Variants in NLRP3 observed in about 807,000 individuals in gnomAD.
NLRP3 encodes NLR family pyrin domain containing 3, also known as NACHT, LRR and PYD domains-containing protein 3.
NLRP3 carries 48 observed loss-of-function variants against 91.3 expected under a neutral mutation model. The ratio of observed to expected loss-of-function variants is 0.53; its 90% CI spans 0.42 to 0.67. The LOEUF (loss-of-function observed/expected upper bound fraction) is 0.67, where lower values mean the gene tolerates loss of function less well. Ranked by LOEUF, NLRP3 falls within the 30% of genes least tolerant of loss-of-function variation. The pLI is 0.00. For missense variants in NLRP3, 982 were observed against 1,276.9 expected, an observed-to-expected ratio of 0.77 and a Z score of 3.52; for synonymous variants, 561 against 507.9, an observed-to-expected ratio of 1.10 and a Z score of -1.41.
At chr1:247,416,369 C>A (rs986001008) in intron 1 of NLRP3, among the ~76,000 whole-genome samples, 176 bp downstream of exon 1, 1 of 152,128 alleles carries the variant, frequency 6.6e-6, no homozygotes, top group African/African-American at 2.4e-5. Flanking sequence ...TTGGGCTCTA[C>A]GTGTGCAAGT....
Position 247,448,780 on chromosome 1 carries a change from TG to T in NLRP3, c.*277del. The T allele has an allele frequency of 2.0e-6, 1 of 491,798 alleles. No homozygotes were observed. Among genetic ancestry groups the T allele is most frequent in the Non-Finnish European group, 3.7e-6 (1 of 269,648 alleles). 30.5% of individuals were successfully genotyped at this position (491,798 alleles called of 1,614,324 possible). On this transcript the variant is annotated 3_prime_UTR_variant, in exon 10 of 10. Coordinates refer to ENST00000336119, the MANE Select transcript of NLRP3 (RefSeq NM_001243133.2). ...GAGGATGTTCCTCTTGGTGACCTCATGTAATTAGCTCATTCAATAAAGCACT... is the reference window on the plus strand; with the variant it reads ...GAGGATGTTCCTCTTGGTGACCTCATTAATTAGCTCATTCAATAAAGCACT...
chr1:247,424,890 C>T lies in NLRP3; in HGVS notation c.1441C>T (p.Leu481=), dbSNP rs868633805. ...AGATGGAATCTGGAACCAGAAAATC[C>T]TGTTTGAGGAGTCCGACCTCAGGAA... The part of the protein sequence containing the change: ...AADGIWNQKI[L]FEESDLRNHG... The change falls in exon 4 of 10, where the codon CTG becomes TTG. Residue 481 remains leucine, a synonymous_variant. Coordinates refer to ENST00000336119, the MANE Select transcript of NLRP3 (RefSeq NM_001243133.2). The surrounding 1 kb of genome is among the most constrained non-coding windows in gnomAD (Gnocchi z 8.1). The T allele has an allele frequency of 6.2e-6, 10 of 1,610,444 alleles. No individual in the cohort carries two copies. Among genetic ancestry groups the T allele is most frequent in the African/African-American group, 1.3e-5 (1 of 75,056 alleles).
At chr1:247,422,131 C>A (rs1400754774) in intron 2 of NLRP3, among the ~76,000 whole-genome samples, 1 of 135,412 alleles carries the variant, frequency 7.4e-6, no homozygotes, top group Non-Finnish European at 1.7e-5. Context: ...GTAATCCCAG[C>A]ACTTCAGGAG....
chr1:247,422,414 A>G (rs1662531301), intron 2 of NLRP3, among the ~76,000 whole-genome samples: 1 of 151,756 alleles, frequency 6.6e-6, no homozygotes, highest in South Asian at 2.1e-4. Context: ...TTACTTGTAG[A>G]TTCCTGCCCA....
intron 9 of NLRP3, among the ~76,000 whole-genome samples, chr1:247,448,133 G>T (rs1387845503): frequency 6.6e-6 from 1 of 151,896 alleles, no homozygotes; most frequent in African/African-American, 2.4e-5. Flanking sequence ...GAGGCTCCCA[G>T]TGACGAAGGA....
intron 3 of NLRP3, 97 bp from the exon 4 acceptor site, chr1:247,423,750 C>G: frequency 1.8e-6 from 2 of 1,088,876 alleles, no homozygotes; most frequent in Non-Finnish European, 1.4e-6. Flanking sequence ...TTTCTCCATT[C>G]CGGTTACCAC....
intron 1 of NLRP3, 41 bp downstream of exon 1, chr1:247,416,234 G>A (rs1225120087): frequency 2.0e-5 from 3 of 152,486 alleles, no homozygotes; most frequent in African/African-American, 7.2e-5. Context: ...GACAGGACCG[G>A]GAGAGCAGTG....
chr1:247,421,400 C>T (rs547513680), intron 2 of NLRP3, among the ~76,000 whole-genome samples: 57 of 152,132 alleles, frequency 3.7e-4, no homozygotes, highest in Admixed American at 7.9e-4. Context: ...GCAGGAGGAT[C>T]GCTTGAGCCC....
intron 7 of NLRP3, among the ~76,000 whole-genome samples, chr1:247,436,906 G>A (rs1402688111): frequency 6.6e-6 from 1 of 152,166 alleles, no homozygotes; most frequent in Non-Finnish European, 1.5e-5. Context: ...TTCTTACATG[G>A]ATTTTCTCAG....
chr1:247,423,174 A>G (rs192201564), intron 2 of NLRP3, 56 bp from the exon 3 acceptor site: 11 of 1,612,052 alleles, frequency 6.8e-6, no homozygotes, highest in African/African-American at 2.7e-5. Flanking sequence ...CCAGGTTTCA[A>G]TTGCATCCTC....
intron 2 of NLRP3, among the ~76,000 whole-genome samples, chr1:247,422,762 A>C (rs2103100224): frequency 6.6e-6 from 1 of 152,354 alleles, no homozygotes; most frequent in East Asian, 1.9e-4. Context: ...AGAACCAGAC[A>C]TCTAGACTTG....
At chr1:247,432,440 T>C (rs1663406139) in intron 5 of NLRP3, among the ~76,000 whole-genome samples, 2 of 152,246 alleles carry the variant, frequency 1.3e-5, no homozygotes, top group South Asian at 2.1e-4. Flanking sequence ...TTCTTTTCTA[T>C]GGCTGAGCAG....
At chr1:247,446,352 T>C (rs564140948) in intron 9 of NLRP3, among the ~76,000 whole-genome samples, 1 of 152,352 alleles carries the variant, frequency 6.6e-6, no homozygotes, top group East Asian at 1.9e-4. Context: ...ACTCGCATCA[T>C]ATCACTCTTG....
chr1:247,416,445 C>T (rs376841693), intron 1 of NLRP3, among the ~76,000 whole-genome samples: 1 of 152,174 alleles, frequency 6.6e-6, no homozygotes, highest in Non-Finnish European at 1.5e-5. Context: ...TTTACACCCA[C>T]GACTTCAGCA....
At chr1:247,442,857 G>T (rs1664322729) in intron 7 of NLRP3, among the ~76,000 whole-genome samples, 1 of 152,188 alleles carries the variant, frequency 6.6e-6, no homozygotes, top group African/African-American at 2.4e-5. Context: ...GATTGTCTGA[G>T]CCCAGGAGTT....
At chr1:247,448,288 T>TAC in intron 9 of NLRP3, 117 bp from the exon 10 acceptor site, 1 of 525,468 alleles carries the variant, frequency 1.9e-6, no homozygotes, top group African/African-American at 2.0e-5. Context: ...TTTTTTTTTT[T>TAC]TTACATTTTA....
At position 247,423,837 on chromosome 1, in the gene NLRP3, T is replaced by G. The variant is rs746795472; in HGVS notation, c.398-10T>G. ...TATACTTTCCCCCTAACTTCCTGTC[T>G]TTGCCGTAGATTACCGTAAGAAGTA... On this transcript the variant is annotated splice_polypyrimidine_tract_variant and intron_variant, in intron 3 of 9. Transcript: ENST00000336119. 6.2e-7 allele frequency: 1 copy of G among 1,613,098 alleles called. No homozygotes were observed. The highest frequency in any genetic ancestry group is 8.5e-7 in the Non-Finnish European group (1 of 1,179,726).
At chr1:247,447,299 A>C (rs1303970111) in intron 9 of NLRP3, among the ~76,000 whole-genome samples, 1 of 152,198 alleles carries the variant, frequency 6.6e-6, no homozygotes, top group Admixed American at 6.5e-5. Flanking sequence ...GAGAGAAGAC[A>C]GGGGAGAAAG....
At chr1:247,426,257 G>GC (rs1306004579) in intron 4 of NLRP3, among the ~76,000 whole-genome samples, 7 of 152,132 alleles carry the variant, frequency 4.6e-5, no homozygotes, top group Admixed American at 1.3e-4. Flanking sequence ...CTCTTTCTAG[G>GC]CCCCCATGTT....
Sources: allele counts gnomAD v4.1 joint callset (sites outside exome capture counted in the v4.1 genomes callset), GRCh38; gene constraint gnomAD v4.1.1; non-coding constraint Gnocchi (gnomAD v3.1); transcripts MANE v1.5; gene names NCBI Gene and HGNC (gene_info 2026-07-23, HGNC 2026-07-21).